Variants in CLEC2A observed in about 807,000 individuals in gnomAD.
CLEC2A encodes keratinocyte-associated C-type lectin.
CLEC2A carries 19 observed loss-of-function variants against 18.6 expected under a neutral mutation model. That is an observed-to-expected ratio of 1.02 (90% CI 0.71 to 1.50). The LOEUF (loss-of-function observed/expected upper bound fraction) is 1.50, where lower values mean the gene tolerates loss of function less well. Among genes scored for constraint, CLEC2A ranks in the 40% most tolerant of loss-of-function variants. The probability of loss-of-function intolerance (pLI) is 0.00; values close to 1 mark genes in which losing one functional copy is unlikely to be tolerated. For missense variants in CLEC2A, 190 were observed against 207.9 expected (o/e 0.91, Z 0.53); for synonymous variants, 74 against 64.0 (o/e 1.16, Z -0.75).
At chr12:9,893,393 A>G in the CLEC2A span, 1 of 1,063,820 alleles carries the variant, frequency 9.4e-7, no homozygotes. Flanking sequence ...ATTTTTTTAA[A>G]CAAATGAATG....
At chr12:9,927,770 A>G (rs1319767577) in intron 1 of CLEC2A, among the ~76,000 whole-genome samples, 1 of 152,192 alleles carries the variant, frequency 6.6e-6, no homozygotes, top group Non-Finnish European at 1.5e-5. Flanking sequence ...GATAGGAAGA[A>G]GAGTTTGGTA....
intron 4 of CLEC2A, among the ~76,000 whole-genome samples, chr12:9,915,254 G>A (rs187096010): frequency 5.9e-5 from 9 of 152,224 alleles, no homozygotes; most frequent in Admixed American, 5.9e-4. Flanking sequence ...ACTGCTGGTG[G>A]GAGTGTAAAT....
chr12:9,919,462 C>T (rs1446054598), intron 3 of CLEC2A, among the ~76,000 whole-genome samples: 1 of 152,200 alleles, frequency 6.6e-6, no homozygotes, highest in East Asian at 1.9e-4. Context: ...GGATGAGAGA[C>T]TTAGGGTCTT....
At chr12:9,893,626 C>T in the CLEC2A span, 6 of 493,688 alleles carry the variant, frequency 1.2e-5, no homozygotes, top group Non-Finnish European at 2.0e-5. Flanking sequence ...TTCTTTTTTC[C>T]TTCTTTCTCT....
the CLEC2A span, among the ~76,000 whole-genome samples, chr12:9,891,178 T>C: frequency 1.3e-5 from 2 of 152,106 alleles, no homozygotes; most frequent in African/African-American, 2.4e-5. Context: ...AGAAACTAAG[T>C]GTATATAAGG....
chr12:9,924,635 G>A (rs1297981919), intron 2 of CLEC2A, among the ~76,000 whole-genome samples: 1 of 152,130 alleles, frequency 6.6e-6, no homozygotes, highest in Non-Finnish European at 1.5e-5. Context: ...ATAGAACCCA[G>A]AGGAAATTTA....
the CLEC2A span, chr12:9,893,646 T>A: frequency 2.0e-5 from 9 of 449,616 alleles, no homozygotes; most frequent in Middle Eastern, 3.9e-4. Flanking sequence ...TGTTTTCCCT[T>A]ATCTTTACAT....
intron 4 of CLEC2A, among the ~76,000 whole-genome samples, chr12:9,902,735 T>C (rs1862851045): frequency 6.6e-6 from 1 of 151,912 alleles, no homozygotes; most frequent in Admixed American, 6.6e-5. Flanking sequence ...AATTTACTTC[T>C]GTAGAAAGGT....
chr12:9,903,059 T>C (rs1288869498), intron 4 of CLEC2A, among the ~76,000 whole-genome samples: 1 of 152,194 alleles, frequency 6.6e-6, no homozygotes, highest in Non-Finnish European at 1.5e-5. Context: ...ACAGGAGGGC[T>C]GTTTGCAGGA....
chr12:9,930,847 G>A (rs1863364100), intron 1 of CLEC2A, among the ~76,000 whole-genome samples: 2 of 150,566 alleles, frequency 1.3e-5, no homozygotes, highest in Non-Finnish European at 1.5e-5. Flanking sequence ...TTTCTTTTCT[G>A]TCATGTTTTT....
At position 9,913,554 on chromosome 12, in the gene CLEC2A, GT is replaced by G. The variant is rs1863019990; in HGVS notation, c.*11del. 2 of 1,535,398 alleles carry G rather than the reference GT, an allele frequency of 1.3e-6. No homozygotes were observed. Among genetic ancestry groups the G allele is most frequent in the East Asian group, 4.9e-5 (2 of 40,758 alleles). ...CTTGAAGTGTGATAATCATTTTCAA[GT>G]TTTTTCTGCTCTATAAAAAATATTT... On this transcript the variant is annotated 3_prime_UTR_variant, in exon 5 of 5. Coordinates refer to ENST00000455827, the MANE Select transcript of CLEC2A (RefSeq NM_001130711.2).
chr12:9,926,255 C>G lies in CLEC2A; in HGVS notation c.139+5G>C. 1 of 1,505,852 alleles carries G rather than the reference C, an allele frequency of 6.6e-7. No homozygotes were observed. Among genetic ancestry groups the G allele is most frequent in the Non-Finnish European group, 9.0e-7 (1 of 1,105,712 alleles). 93.3% of individuals were successfully genotyped at this position (1,505,852 alleles called of 1,614,324 possible). On this transcript the variant is annotated splice_donor_5th_base_variant and intron_variant, in intron 2 of 4. Transcript: ENST00000455827. ...CATAGAAAGTGTATGAATTAAACCA[C>G]TCACCTATCATAATAATGCAAACTG...
chr12:9,927,385 T>G (rs1385678558), intron 1 of CLEC2A, among the ~76,000 whole-genome samples: 1 of 152,218 alleles, frequency 6.6e-6, no homozygotes, highest in African/African-American at 2.4e-5. Flanking sequence ...ATTGTTGTTA[T>G]GCAATCTGTC....
At chr12:9,892,903 CAAA>C in the CLEC2A span, 34 of 775,060 alleles carry the variant, frequency 4.4e-5, no homozygotes, top group South Asian at 8.5e-5. Context: ...TTTTATTGAC[CAAA>C]AAAAAAAAAA....
At chr12:9,899,895 T>C (rs1862802219) in intron 4 of CLEC2A, among the ~76,000 whole-genome samples, 1 of 152,216 alleles carries the variant, frequency 6.6e-6, no homozygotes, top group Non-Finnish European at 1.5e-5. Flanking sequence ...CAGTTTTCTT[T>C]CCTAGGGCTT....
intron 4 of CLEC2A, among the ~76,000 whole-genome samples, chr12:9,908,168 T>G (rs1862931542): frequency 1.3e-5 from 2 of 152,338 alleles, no homozygotes; most frequent in South Asian, 4.1e-4. Flanking sequence ...CCCCAGCAGT[T>G]TTCAGCTTTA....
At chr12:9,911,134 G>C (rs1005049095), downstream of CLEC2A, among the ~76,000 whole-genome samples, 1 of 152,156 alleles carries the variant, frequency 6.6e-6, no homozygotes, top group African/African-American at 2.4e-5. Context: ...GTCCTGATTG[G>C]CTAAACACTT....
At chr12:9,893,006 A>G in the CLEC2A span, 8 of 1,526,078 alleles carry the variant, frequency 5.2e-6, no homozygotes, top group East Asian at 4.9e-5. Flanking sequence ...ATTTTCCCCT[A>G]TGTTTTCCTT....
exon 5 of CLEC2A, chr12:9,898,928 A>T (rs1862788444): frequency 2.8e-6 from 2 of 716,432 alleles, no homozygotes; most frequent in Non-Finnish European, 2.6e-6. Flanking sequence ...CCAGCAGAAG[A>T]AGCCATTGTC....
Sources: allele counts gnomAD v4.1 joint callset (sites outside exome capture counted in the v4.1 genomes callset), GRCh38; gene constraint gnomAD v4.1.1; transcripts MANE v1.5; gene names NCBI Gene and HGNC (gene_info 2026-07-23, HGNC 2026-07-21).